UGT2B17: variants seen among roughly 807,000 people sequenced by gnomAD.
UGT2B17 encodes UDP-glucuronosyltransferase 2B17.
In UGT2B17, 21 loss-of-function variants were observed where a neutral mutation model predicts 48.2. That is an observed-to-expected ratio of 0.44 (90% CI 0.31 to 0.63). UGT2B17 has a LOEUF of 0.63. Among genes scored for constraint, UGT2B17 ranks in the 20% least tolerant of loss-of-function variants. UGT2B17 has a pLI of 0.08. For missense variants in UGT2B17, 402 were observed against 696.1 expected (o/e 0.58, Z 4.75); for synonymous variants, 146 against 238.4 (o/e 0.61, Z 3.57).
At chr4:68,547,371 T>G (rs1452340025) in intron 6 of UGT2B17, among the ~76,000 whole-genome samples, 1 of 126,708 alleles carries the variant, frequency 7.9e-6, no homozygotes, top group Non-Finnish European at 1.7e-5. Context: ...TGGCTAGCCA[T>G]ATGTAGAAAG....
rs1227942118 is a variant in UGT2B17 at position 68,569,385 on chromosome 4, T to C, written c.-64-837A>G. Among the ~76,000 whole-genome samples, 3 of 124,196 alleles carry C rather than the reference T, an allele frequency of 2.4e-5. 1 individual carries two copies. The highest frequency in any genetic ancestry group is 5.1e-5 in the Non-Finnish European group (3 of 58,916). The allele number at this position is 124,196 out of a possible 152,430, so 81.5% of individuals were successfully genotyped here. A position where few individuals can be genotyped will look rare whatever the true frequency, so the allele number is the denominator to read the frequency against. On this transcript the variant is annotated intron_variant, in intron 1 of 6. Coordinates refer to ENST00000317746, the MANE Select transcript of UGT2B17 (RefSeq NM_001077.4). The stretch of plus-strand genomic sequence containing the variant: ...TCTGTTTGCAGGAGAAGTTCCTGAC[T>C]TTATGTGAAGCTGAGTCAAATTAGA...
intron 3 of UGT2B17, among the ~76,000 whole-genome samples, chr4:68,563,006 T>C (rs1452023149): frequency 7.9e-6 from 1 of 126,608 alleles, no homozygotes; most frequent in Non-Finnish European, 1.7e-5. Context: ...TAATGTAAGA[T>C]ATTTGAATTA....
At chr4:68,562,111 AT>A (rs1189022163) in intron 3 of UGT2B17, among the ~76,000 whole-genome samples, 1 of 124,400 alleles carries the variant, frequency 8.0e-6, no homozygotes, top group African/African-American at 2.7e-5. Flanking sequence ...TTTTTATTTT[AT>A]TTTATTTATT....
At chr4:68,567,737 A>G in intron 2 of UGT2B17, 24 bp downstream of exon 2, 1 of 1,272,928 alleles carries the variant, frequency 7.9e-7, no homozygotes, top group Non-Finnish European at 1.0e-6. Flanking sequence ...AACTTAATAA[A>G]CACCAATTGG....
intron 6 of UGT2B17, among the ~76,000 whole-genome samples, chr4:68,549,937 T>C (rs1457200849): frequency 7.9e-6 from 1 of 125,928 alleles, no homozygotes; most frequent in Admixed American, 8.2e-5. Flanking sequence ...GAATATTATA[T>C]AGAAATAAAA....
rs1255742137 is a variant in UGT2B17 at position 68,567,974 on chromosome 4, A to C, written c.511T>G (p.Tyr171Asp). ...LAELLNIPFL[Y>D]SLRFSVGYTV... ...TAGCCAACAGAGAAGCGGAGACTGTACAGAAAGGGTATGTTAAGTAGCTCA... is the reference window on the plus strand; with the variant it reads ...TAGCCAACAGAGAAGCGGAGACTGTCCAGAAAGGGTATGTTAAGTAGCTCA... The change falls in exon 2 of 7, where the codon TAC (tyrosine) becomes GAC (aspartate). Residue 171 changes from tyrosine to aspartate, a missense_variant. Physicochemically the swap from Tyr to Asp is radical, Grantham distance 160. Transcript: ENST00000317746. The C allele has an allele frequency of 2.2e-6, 3 of 1,382,308 alleles. 1 individual carries two copies. The Admixed American group carries it at 6.0e-5, about 27-fold the overall frequency. The allele number at this position is 1,382,308 out of a possible 1,614,324, so 85.6% of individuals were successfully genotyped here.
In UGT2B17 at chr4:68,550,193, C is replaced by T. The variant is rs1472565406; in HGVS notation, c.1313+484G>A. On this transcript the variant is annotated intron_variant, in intron 6 of 6. Transcript: ENST00000317746. Reference sequence around the variant, plus strand: ...AAAATGTTATTTAGGGTTGTGGCTTCGTAACTATGTAAACATACTAAATAT... The same window carrying T: ...AAAATGTTATTTAGGGTTGTGGCTTTGTAACTATGTAAACATACTAAATAT... Among the ~76,000 whole-genome samples the T allele has an allele frequency of 4.8e-5, 6 of 123,738 alleles. 3 individuals are homozygous for T. The highest frequency in any genetic ancestry group is 1.1e-4 in the African/African-American group (4 of 36,406). 81.2% of individuals were successfully genotyped at this position (123,738 alleles called of 152,430 possible).
Position 68,567,397 on chromosome 4 carries a change from A to G in UGT2B17, c.724+364T>C, listed in dbSNP as rs192579408. Among the ~76,000 whole-genome samples, 39 of 126,928 alleles carry G rather than the reference A, an allele frequency of 3.1e-4. 11 individuals carry two copies. In the Admixed American group the frequency reaches 3.2e-3, roughly 10 times the overall value. 83.3% of individuals were successfully genotyped at this position (126,928 alleles called of 152,430 possible). On this transcript the variant is annotated intron_variant, in intron 2 of 6. Transcript: ENST00000317746. ...TCCTGCATTGATAATATTTTTAGAA[A>G]TATGTGTAAATATAAAATTTGTATG...
chr4:68,550,561 G>C lies in UGT2B17; in HGVS notation c.1313+116C>G, dbSNP rs1474433725. ...GGAAAATAAGAGCAGATTTTACATT[G>C]GTTAAATCACTTCAATCCCTTCAAA... On this transcript the variant is annotated intron_variant, in intron 6 of 6. Coordinates refer to ENST00000317746, the MANE Select transcript of UGT2B17 (RefSeq NM_001077.4). The C allele has an allele frequency of 3.7e-5, 30 of 802,136 alleles. 3 individuals are homozygous for C. The highest frequency in any genetic ancestry group is 4.8e-5 in the Non-Finnish European group (28 of 589,206). The allele number at this position is 802,136 out of a possible 1,614,324, so 49.7% of individuals were successfully genotyped here.
In UGT2B17 at chr4:68,567,457, T is replaced by C. The variant is rs1400723317; in HGVS notation, c.724+304A>G. Among the ~76,000 whole-genome samples the C allele has an allele frequency of 2.4e-5, 3 of 126,554 alleles. 1 individual carries two copies. The highest frequency in any genetic ancestry group is 5.4e-5 in the African/African-American group (2 of 37,056). 83.0% of individuals were successfully genotyped at this position (126,554 alleles called of 152,430 possible). On this transcript the variant is annotated intron_variant, in intron 2 of 6. Transcript: ENST00000317746. ...ATGAAGATGTTTCTTGAAGTATCTA[T>C]TGACTTTTTTAAAGATGAAAAAATG...
intron 1 of UGT2B17, among the ~76,000 whole-genome samples, chr4:68,570,315 A>ACAGGG (rs2109779468): frequency 7.9e-6 from 1 of 126,922 alleles, no homozygotes; most frequent in African/African-American, 2.7e-5. Context: ...GAGAAACAGA[A>ACAGGG]CAGGGCAGGG....
chr4:68,537,952 T>A, intron 6 of UGT2B17, 48 bp from the exon 7 acceptor site: 1 of 1,236,600 alleles, frequency 8.1e-7, no homozygotes, highest in Non-Finnish European at 1.0e-6. Context: ...AATTTATTGC[T>A]TAAGCATATC....
At chr4:68,575,406 C>CCTACCTCTAATGCTGGCCAAT (rs1451345700) in intron 1 of UGT2B17, among the ~76,000 whole-genome samples, 2 of 124,490 alleles carry the variant, frequency 1.6e-5, no homozygotes, top group African/African-American at 5.5e-5. Context: ...TGATGGCTAA[C>CCTACCTCTAATGCTGGCCAAT]CTACCTCTAA....
At chr4:68,551,758 T>C (rs1198034245) in intron 5 of UGT2B17, 66 bp downstream of exon 5, 1 of 1,031,922 alleles carries the variant, frequency 9.7e-7, no homozygotes, top group Non-Finnish European at 1.3e-6. Flanking sequence ...TTGTTTTATG[T>C]TGAAATATTA....
intron 4 of UGT2B17, among the ~76,000 whole-genome samples, chr4:68,557,592 G>T (rs1448044827): frequency 1.6e-5 from 2 of 124,400 alleles, no homozygotes; most frequent in Admixed American, 8.2e-5. Context: ...TAACAATTTA[G>T]TATACTCCTA....
Position 68,569,026 on chromosome 4 carries a change from C to T in UGT2B17, c.-64-478G>A, listed in dbSNP as rs1048683246. Among the ~76,000 whole-genome samples, 6 of 135,530 alleles carry T rather than the reference C, an allele frequency of 4.4e-5. 1 individual carries two copies. Among genetic ancestry groups the T allele is most frequent in the Non-Finnish European group, 9.6e-5 (6 of 62,536 alleles). The allele number at this position is 135,530 out of a possible 152,430, so 88.9% of individuals were successfully genotyped here. ...TTGCATCCATCCTACCCTAGGCAAC[C>T]ACTAATCTAATTTCTATCTCTATAG... is the stretch of plus-strand genomic sequence containing the variant. On this transcript the variant is annotated intron_variant, in intron 1 of 6. Transcript: ENST00000317746.
In UGT2B17 at chr4:68,550,420, T is replaced by C. The variant is rs1240252381; in HGVS notation, c.1313+257A>G. On this transcript the variant is annotated intron_variant, in intron 6 of 6. Coordinates refer to ENST00000317746, the MANE Select transcript of UGT2B17 (RefSeq NM_001077.4). ...CTATTGTGTATTCTATCATTAAAAA[T>C]ATTTAAAATAATTATGTACATATCT... Among the ~76,000 whole-genome samples, 2 of 125,798 alleles carry C rather than the reference T, an allele frequency of 1.6e-5. 1 individual carries two copies. Among genetic ancestry groups the C allele is most frequent in the Admixed American group, 1.6e-4 (2 of 12,202 alleles). 82.5% of individuals were successfully genotyped at this position (125,798 alleles called of 152,430 possible). A position where few individuals can be genotyped will look rare whatever the true frequency, so the allele number is the denominator to read the frequency against.
rs1279052153 is a variant in UGT2B17, at chr4:68,553,478, G to T, written c.1006-1567C>A. Among the ~76,000 whole-genome samples, 2 of 126,128 alleles carry T rather than the reference G, an allele frequency of 1.6e-5. 1 individual carries two copies. Among genetic ancestry groups the T allele is most frequent in the Admixed American group, 1.6e-4 (2 of 12,380 alleles). 82.7% of individuals were successfully genotyped at this position (126,128 alleles called of 152,430 possible). A position where few individuals can be genotyped will look rare whatever the true frequency, so the allele number is the denominator to read the frequency against. On this transcript the variant is annotated intron_variant, in intron 4 of 6. Transcript: ENST00000317746. ...CAAAGGCACCACTCACCCCTTTGGG[G>T]GTGCTCTGTTTTCTTTGTGGAGTTT...
chr4:68,570,921 T>C (rs542842829), intron 1 of UGT2B17, among the ~76,000 whole-genome samples: 1 of 126,438 alleles, frequency 7.9e-6, no homozygotes, highest in African/African-American at 2.7e-5. Flanking sequence ...TGATTATCTA[T>C]GTGTAGACAG....
Sources: allele counts gnomAD v4.1 joint callset (sites outside exome capture counted in the v4.1 genomes callset), GRCh38; gene constraint gnomAD v4.1.1; transcripts MANE v1.5; gene names NCBI Gene and HGNC (gene_info 2026-07-23, HGNC 2026-07-21).